The following HOOK3 variants were observed in gnomAD, a reference collection of about 807,000 sequenced individuals.
HOOK3 encodes hook microtubule tethering protein 3.
A neutral mutation model predicts 116.3 loss-of-function variants in HOOK3; 24 were observed. That is an observed-to-expected ratio of 0.21 (90% CI 0.15 to 0.29). HOOK3 has a LOEUF of 0.29. Among genes scored for constraint, HOOK3 ranks in the 10% least tolerant of loss-of-function variants. The pLI is 1.00. For missense variants in HOOK3, 632 were observed against 830.2 expected (o/e 0.76, Z 2.93); for synonymous variants, 275 against 283.0 (o/e 0.97, Z 0.28).
rs758932078 is a variant in HOOK3 at position 42,950,498 on chromosome 8, G to C, written c.468+43G>C. The C allele has an allele frequency of 5.6e-6, 7 of 1,241,496 alleles. No individual in the cohort carries two copies. In the Admixed American group the frequency reaches 1.2e-4, roughly 22 times the overall value. 76.9% of individuals were successfully genotyped at this position (1,241,496 alleles called of 1,614,324 possible). A position where few individuals can be genotyped will look rare whatever the true frequency, so the allele number is the denominator to read the frequency against. ...GCTTATAGTTTATGAAAAATTAAAG[G>C]AGTAAACATGAGTATGAATAATACA... On this transcript the variant is annotated intron_variant, in intron 6 of 21. Transcript: ENST00000307602.
At chr8:43,011,643 G>C (rs1210699571) in intron 19 of HOOK3, among the ~76,000 whole-genome samples, 1 of 152,152 alleles carries the variant, frequency 6.6e-6, no homozygotes, top group Admixed American at 6.5e-5. Flanking sequence ...GGAGGTCAAG[G>C]CTGGAGGATT....
rs117504847 is a variant in HOOK3, at chr8:43,023,782, G to A, written c.*5284G>A. ...GCCTCCTATTTCCTTTTCGAAAGTA[G>A]CAGTTTGGTTTATTCTCGTTTGCTA... On this transcript the variant is annotated 3_prime_UTR_variant, in exon 22 of 22. Coordinates refer to ENST00000307602, the MANE Select transcript of HOOK3 (RefSeq NM_032410.4). The A allele has an allele frequency of 2.9e-3, 582 of 199,446 alleles. 14 individuals are homozygous for A. In the East Asian group the frequency reaches 0.04, roughly 14 times the overall value. 12.4% of individuals were successfully genotyped at this position (199,446 alleles called of 1,614,324 possible).
At chr8:42,899,604 C>G (rs1420916341) in intron 1 of HOOK3, among the ~76,000 whole-genome samples, 1 of 152,196 alleles carries the variant, frequency 6.6e-6, no homozygotes, top group African/African-American at 2.4e-5. Flanking sequence ...AAGCACAATT[C>G]TAAAACCAAA....
At chr8:43,005,493 A>C (rs1020212302) in intron 17 of HOOK3, among the ~76,000 whole-genome samples, 1 of 151,776 alleles carries the variant, frequency 6.6e-6, no homozygotes, top group Admixed American at 6.6e-5. Flanking sequence ...AAGTGCTGGG[A>C]TTACAGATGT....
intron 4 of HOOK3, among the ~76,000 whole-genome samples, chr8:42,938,310 T>C (rs1189803342): frequency 6.6e-6 from 1 of 152,030 alleles, no homozygotes; most frequent in East Asian, 1.9e-4. Flanking sequence ...GAGATGAGTT[T>C]CCTGAATACA....
intron 2 of HOOK3, among the ~76,000 whole-genome samples, chr8:42,907,230 C>G (rs1807327613): frequency 6.6e-6 from 1 of 152,182 alleles, no homozygotes; most frequent in Non-Finnish European, 1.5e-5. Context: ...TGTTGAAAAT[C>G]AGTGTCATTA....
rs530522426 is a variant in HOOK3, at chr8:42,940,058, G to A, written c.268-3255G>A. Among the ~76,000 whole-genome samples, 1,164 of 151,658 alleles carry A rather than the reference G, an allele frequency of 7.7e-3. 11 individuals are homozygous for A. Among genetic ancestry groups the A allele is most frequent in the Non-Finnish European group, 8.1e-3 (552 of 67,828 alleles). ...AGACGGTGGGCGGCCAGGCAGAGAC[G>A]CTCCTCACTTCCCAGACGGGGCGGC... On this transcript the variant is annotated intron_variant, in intron 4 of 21. Transcript: ENST00000307602.
At chr8:42,966,816 T>G (rs1808640828) in intron 10 of HOOK3, among the ~76,000 whole-genome samples, 1 of 152,180 alleles carries the variant, frequency 6.6e-6, no homozygotes, top group Non-Finnish European at 1.5e-5. Context: ...TATGAGGAGT[T>G]GAGTGAATTT....
At chr8:42,930,801 C>G (rs1265090068) in intron 4 of HOOK3, among the ~76,000 whole-genome samples, 1 of 152,128 alleles carries the variant, frequency 6.6e-6, no homozygotes, top group Non-Finnish European at 1.5e-5. Flanking sequence ...AGAAAGCCTC[C>G]TACAGTCCTT....
At chr8:42,975,401 G>T (rs1009306192) in intron 13 of HOOK3, among the ~76,000 whole-genome samples, 10 of 152,218 alleles carry the variant, frequency 6.6e-5, no homozygotes, top group African/African-American at 2.2e-4. Context: ...GCCAGGCACT[G>T]TGTCTATTAG....
At chr8:42,957,065 A>G (rs1246568894) in intron 6 of HOOK3, 29 bp from the exon 7 acceptor site, 2 of 1,395,006 alleles carry the variant, frequency 1.4e-6, no homozygotes, top group Admixed American at 3.7e-5. Flanking sequence ...TTTGCCTCAT[A>G]GTTATAATCA....
rs112551839 is a variant in HOOK3, at chr8:42,952,008, G to A, written c.468+1553G>A. ...ATTAAATGCAAATTAAGATGAAATTGTGCTTAAAAAATCTTGCAATGACTT... is the reference window on the plus strand; with the variant it reads ...ATTAAATGCAAATTAAGATGAAATTATGCTTAAAAAATCTTGCAATGACTT... On this transcript the variant is annotated intron_variant, in intron 6 of 21. Transcript: ENST00000307602. 3.0e-3 allele frequency among the ~76,000 whole-genome samples: 460 copies of A among 152,092 alleles called. 8 individuals carry two copies. The highest frequency in any genetic ancestry group is 0.011 in the African/African-American group (439 of 41,526).
intron 7 of HOOK3, among the ~76,000 whole-genome samples, chr8:42,958,670 A>G (rs541784220): frequency 1.4e-4 from 21 of 146,756 alleles, no homozygotes; most frequent in African/African-American, 5.1e-4. Flanking sequence ...ATAGGTACAC[A>G]TGTGCCATGG....
chr8:42,927,795 A>G (rs1807797294), intron 3 of HOOK3, among the ~76,000 whole-genome samples: 1 of 152,082 alleles, frequency 6.6e-6, no homozygotes, highest in Admixed American at 6.6e-5. Flanking sequence ...TGTAGGGATG[A>G]GGTCATGCTA....
intron 4 of HOOK3, among the ~76,000 whole-genome samples, chr8:42,932,252 G>A (rs370891895): frequency 6.6e-5 from 10 of 152,104 alleles, no homozygotes; most frequent in African/African-American, 2.4e-4. Context: ...TTGACAAAAT[G>A]TTTTTTTCCT....
At chr8:42,908,373 GAACAAA>G (rs577863938) in intron 2 of HOOK3, among the ~76,000 whole-genome samples, 127 of 152,252 alleles carry the variant, frequency 8.3e-4, no homozygotes, top group African/African-American at 2.9e-3. Context: ...ATGAGAAAAA[GAACAAA>G]GCTGGAGAAA....
intron 1 of HOOK3, among the ~76,000 whole-genome samples, chr8:42,898,969 C>T (rs1807124818): frequency 6.6e-6 from 1 of 152,134 alleles, no homozygotes. Flanking sequence ...TTATTGAACA[C>T]TGTACTGAAA....
intron 21 of HOOK3, 112 bp from the exon 22 acceptor site, chr8:43,018,246 C>A: frequency 1.0e-6 from 1 of 986,572 alleles, no homozygotes; most frequent in Non-Finnish European, 1.4e-6. Context: ...TATTAACATT[C>A]CTAATTGTGC....
At chr8:42,907,918 G>A (rs1190549866) in intron 2 of HOOK3, among the ~76,000 whole-genome samples, 1 of 145,274 alleles carries the variant, frequency 6.9e-6, no homozygotes, top group Non-Finnish European at 1.5e-5. Flanking sequence ...CATACAAAAA[G>A]CCACAAAGAC....
Sources: allele counts gnomAD v4.1 joint callset (sites outside exome capture counted in the v4.1 genomes callset), GRCh38; gene constraint gnomAD v4.1.1; transcripts MANE v1.5; gene names NCBI Gene and HGNC (gene_info 2026-07-23, HGNC 2026-07-21).